The following LRRC55 variants were observed in gnomAD, a reference collection of about 807,000 sequenced individuals.
LRRC55 encodes leucine-rich repeat-containing protein 55.
A neutral mutation model predicts 20.5 loss-of-function variants in LRRC55; 11 were observed. That is an observed-to-expected ratio of 0.54 (90% CI 0.34 to 0.89). The LOEUF is 0.89. LRRC55 is among the 40% of genes least tolerant of loss of function. The probability of loss-of-function intolerance (pLI) is 0.02; values close to 1 mark genes in which losing one functional copy is unlikely to be tolerated. For missense variants in LRRC55, 358 were observed against 390.9 expected (o/e 0.92, Z 0.71); for synonymous variants, 188 against 166.6 (o/e 1.13, Z -0.99).
Position 57,191,062 on chromosome 11 carries a change from CT to C in LRRC55, c.*3587del, listed in dbSNP as rs1854503568. 1 of 152,166 alleles carries C rather than the reference CT, an allele frequency of 6.6e-6. No individual in the cohort carries two copies. The highest frequency in any genetic ancestry group is 2.4e-5 in the African/African-American group (1 of 41,434). 9.4% of individuals were successfully genotyped at this position (152,166 alleles called of 1,614,324 possible). A position where few individuals can be genotyped will look rare whatever the true frequency, so the allele number is the denominator to read the frequency against. Reference sequence around the variant, plus strand: ...GTCAAGATTTGGGCCAAGAAAATTCCTTTTTAGAAGAGCCCTCATATCTGAA... The same window carrying C: ...GTCAAGATTTGGGCCAAGAAAATTCCTTTTAGAAGAGCCCTCATATCTGAA... On this transcript the variant is annotated 3_prime_UTR_variant, in exon 2 of 2. Transcript: ENST00000497933.
chr11:57,182,721 G>T, intron 1 of LRRC55, 38 bp downstream of exon 1: 1 of 1,430,096 alleles, frequency 7.0e-7, no homozygotes, highest in Non-Finnish European at 9.2e-7. Flanking sequence ...AACAGGGAGG[G>T]CTTGCCTCAA....
chr11:57,186,030 T>C (rs1854427563), intron 1 of LRRC55, among the ~76,000 whole-genome samples: 1 of 151,810 alleles, frequency 6.6e-6, no homozygotes, highest in Non-Finnish European at 1.5e-5. Context: ...ATGTAGCATA[T>C]AATTCGTGTA....
chr11:57,182,257 G>A lies in LRRC55; in HGVS notation c.235G>A (p.Ala79Thr). The A allele has an allele frequency of 6.2e-7, 1 of 1,614,200 alleles. No individual in the cohort carries two copies. ...CAGCCTGGCCCACAACCGCATCACA[G>A]CAGTGCCGCCTGGCTACCTCACATG... is the stretch of plus-strand genomic sequence containing the variant. ...NLSLAHNRIT[A>T]VPPGYLTCYM... The change falls in exon 1 of 2, where the codon GCA becomes ACA. Residue 79 changes from alanine to threonine, a missense_variant. By Grantham distance (58) the Ala-to-Thr change is moderately conservative (BLOSUM62 0). This residue lies in a region of LRRC55 where 175 missense variants were observed against 164.5 expected (regional missense o/e 1.06). Coordinates refer to ENST00000497933, the MANE Select transcript of LRRC55 (RefSeq NM_001005210.4).
rs765216402 is a variant in LRRC55 at position 57,182,589 on chromosome 11, G to A, written c.567G>A (p.Val189=). ...CTCTTGAGGGCCTACCGGGGCTGGT[G>A]ACCCTGCAGATCGGTGGCAATCCCT... ...LEALEGLPGL[V]TLQIGGNPWV... is the part of the protein sequence containing the mutation. Residue 189 remains valine, a synonymous_variant, in exon 1 of 2, where the codon GTG becomes GTA. Transcript: ENST00000497933. 1 of 1,535,236 alleles carries A rather than the reference G, an allele frequency of 6.5e-7. No homozygotes were observed. Among genetic ancestry groups the A allele is most frequent in the Non-Finnish European group, 8.8e-7 (1 of 1,142,034 alleles).
intron 1 of LRRC55, among the ~76,000 whole-genome samples, chr11:57,186,616 G>A (rs1289883460): frequency 6.6e-6 from 1 of 152,182 alleles, no homozygotes; most frequent in African/African-American, 2.4e-5. Context: ...CCCTCCCAAA[G>A]GGACAAATGC....
At chr11:57,186,685 G>A (rs1324385006) in intron 1 of LRRC55, among the ~76,000 whole-genome samples, 1 of 152,216 alleles carries the variant, frequency 6.6e-6, no homozygotes, top group African/African-American at 2.4e-5. Flanking sequence ...AGGATGACCA[G>A]GAGGTGTGTG....
At position 57,182,435 on chromosome 11, in the gene LRRC55, G is replaced by A. The variant is rs368858600; in HGVS notation, c.413G>A (p.Gly138Glu). 2.5e-5 allele frequency: 41 copies of A among 1,612,380 alleles called. No homozygotes were observed. The Middle Eastern group carries it at 6.6e-4, about 26-fold the overall frequency. Residue 138 changes from glycine to glutamate, a missense_variant, in exon 1 of 2, where the codon GGG becomes GAG. Coordinates refer to ENST00000497933, the MANE Select transcript of LRRC55 (RefSeq NM_001005210.4). ...GCCGACATGTTCCAGGAGGCCCATG[G>A]GCTAGTCCACATCGACCTGAGCCAC... ...VPADMFQEAH[G>E]LVHIDLSHNP... is the part of the protein sequence containing the mutation.
Position 57,187,560 on chromosome 11 carries a change from G to T in LRRC55, c.*80G>T. On this transcript the variant is annotated 3_prime_UTR_variant, in exon 2 of 2. Transcript: ENST00000497933. ...GACGCCCTCCCTGACTGCTCACTCTGGTTCCATGGTGACCTGGCTGCCTCA... is the reference window on the plus strand; with the variant it reads ...GACGCCCTCCCTGACTGCTCACTCTTGTTCCATGGTGACCTGGCTGCCTCA... 3.8e-6 allele frequency: 5 copies of T among 1,325,222 alleles called. No homozygotes were observed. The highest frequency in any genetic ancestry group is 1.2e-5 in the South Asian group (1 of 80,250). 82.1% of individuals were successfully genotyped at this position (1,325,222 alleles called of 1,614,324 possible).
chr11:57,185,045 G>T (rs1387958879), intron 1 of LRRC55, among the ~76,000 whole-genome samples: 2 of 152,130 alleles, frequency 1.3e-5, no homozygotes, highest in Non-Finnish European at 2.9e-5. Context: ...ATTTGGGGAA[G>T]GTTGGGTTCT....
At position 57,186,916 on chromosome 11, in the gene LRRC55, G is replaced by A. The variant is rs535205860; in HGVS notation, c.662-329G>A. Among the ~76,000 whole-genome samples the A allele has an allele frequency of 4.6e-5, 7 of 152,336 alleles. No individual in the cohort carries two copies. The East Asian group carries it at 1.2e-3, about 25-fold the overall frequency. On this transcript the variant is annotated intron_variant, in intron 1 of 1. Transcript: ENST00000497933. ...GGTGAGGTCCCAGCCTGCAGGCTGAGGACAGACACCTTCTGAAGCCCAGAA... is the reference window on the plus strand; with the variant it reads ...GGTGAGGTCCCAGCCTGCAGGCTGAAGACAGACACCTTCTGAAGCCCAGAA...
At chr11:57,182,794 TC>T in intron 1 of LRRC55, 111 bp downstream of exon 1, 2 of 1,143,530 alleles carry the variant, frequency 1.7e-6, no homozygotes, top group Admixed American at 3.2e-5. Context: ...TACTGCATTT[TC>T]TAATGTGGGC....
rs371199626 is a variant in LRRC55 at position 57,182,579 on chromosome 11, C to T, written c.557C>T (p.Pro186Leu). 1.9e-6 allele frequency: 3 copies of T among 1,540,162 alleles called. No individual in the cohort carries two copies. The highest frequency in any genetic ancestry group is 4.0e-5 in the Admixed American group (2 of 50,188). ...FLSLEALEGL[P>L]GLVTLQIGGN... ...AGCCTGGAGGCTCTTGAGGGCCTAC[C>T]GGGGCTGGTGACCCTGCAGATCGGT... Residue 186 changes from proline to leucine, a missense_variant, in exon 1 of 2, where the codon CCG becomes CTG. Coordinates refer to ENST00000497933, the MANE Select transcript of LRRC55 (RefSeq NM_001005210.4).
rs1251480410 is a variant in LRRC55, at chr11:57,182,330, A to G, written c.308A>G (p.Glu103Gly). Residue 103 changes from glutamate (E) to glycine (G), a missense_variant, in exon 1 of 2, where the codon GAG becomes GGG. Coordinates refer to ENST00000497933, the MANE Select transcript of LRRC55 (RefSeq NM_001005210.4). ...VLDLHNNSLM[E>G]LPRGLFLHAK... ...GATTTGCACAACAACTCCTTAATGGAGCTGCCCCGGGGCCTCTTCCTCCAT... is the reference window on the plus strand; with the variant it reads ...GATTTGCACAACAACTCCTTAATGGGGCTGCCCCGGGGCCTCTTCCTCCAT... 3.7e-6 allele frequency: 6 copies of G among 1,613,896 alleles called. No individual in the cohort carries two copies. The highest frequency in any genetic ancestry group is 4.2e-6 in the Non-Finnish European group (5 of 1,179,922).
At chr11:57,186,764 G>A (rs1430087056) in intron 1 of LRRC55, among the ~76,000 whole-genome samples, 1 of 152,230 alleles carries the variant, frequency 6.6e-6, no homozygotes, top group Non-Finnish European at 1.5e-5. Flanking sequence ...CCCAAGGGGA[G>A]CACCTTGGTT....
Position 57,188,629 on chromosome 11 carries a change from A to T in LRRC55, c.*1149A>T, listed in dbSNP as rs1192284370. ...GAACGCTGTTGTTCCCATTTTACGG[A>T]TGAGGCAACTAAGGCTCAGAGAGGT... On this transcript the variant is annotated 3_prime_UTR_variant, in exon 2 of 2. Transcript: ENST00000497933. The T allele has an allele frequency of 1.3e-5, 2 of 152,190 alleles. No homozygotes were observed. Among genetic ancestry groups the T allele is most frequent in the Non-Finnish European group, 2.9e-5 (2 of 68,038 alleles). 9.4% of individuals were successfully genotyped at this position (152,190 alleles called of 1,614,324 possible). A position where few individuals can be genotyped will look rare whatever the true frequency, so the allele number is the denominator to read the frequency against.
chr11:57,182,306 A>G lies in LRRC55; in HGVS notation c.284A>G (p.Asp95Gly). Residue 95 changes from aspartate to glycine, a missense_variant, in exon 1 of 2, where the codon GAT (aspartate) becomes GGT (glycine). Coordinates refer to ENST00000497933, the MANE Select transcript of LRRC55 (RefSeq NM_001005210.4). ...LTCYMELQVLDLHNNSLMELP... is the reference protein window; with the variant it reads ...LTCYMELQVLGLHNNSLMELP... ...TGCTACATGGAGCTCCAGGTGCTGGATTTGCACAACAACTCCTTAATGGAG... is the reference window on the plus strand; with the variant it reads ...TGCTACATGGAGCTCCAGGTGCTGGGTTTGCACAACAACTCCTTAATGGAG... The G allele has an allele frequency of 1.2e-6, 2 of 1,614,010 alleles. No homozygotes were observed. Among genetic ancestry groups the G allele is most frequent in the Non-Finnish European group, 1.7e-6 (2 of 1,179,972 alleles).
chr11:57,187,163 T>C, intron 1 of LRRC55, 82 bp from the exon 2 acceptor site: 1 of 1,245,262 alleles, frequency 8.0e-7, no homozygotes, highest in Non-Finnish European at 1.2e-6. Flanking sequence ...TTCTTACTTT[T>C]TCCAGCAAGC....
chr11:57,182,369 C>CA lies in LRRC55; in HGVS notation c.348dup (p.His117ThrfsTer67). The CA allele has an allele frequency of 6.2e-7, 1 of 1,613,792 alleles. No individual in the cohort carries two copies. The highest frequency in any genetic ancestry group is 1.1e-5 in the South Asian group (1 of 91,046). On this transcript the variant is annotated frameshift_variant, in exon 1 of 2. Coordinates refer to ENST00000497933, the MANE Select transcript of LRRC55 (RefSeq NM_001005210.4). LOFTEE classifies it high-confidence loss of function. ...CTCTTCCTCCATGCCAAGCGCTTGGCACACTTGGACCTGAGCTACAACAAT... is the reference window on the plus strand; with the variant it reads ...CTCTTCCTCCATGCCAAGCGCTTGGCAACACTTGGACCTGAGCTACAACAAT...
intron 1 of LRRC55, among the ~76,000 whole-genome samples, chr11:57,184,339 C>G (rs903528115): frequency 1.1e-4 from 17 of 152,218 alleles, no homozygotes; most frequent in African/African-American, 3.9e-4. Flanking sequence ...GTCCCTGCTG[C>G]TCTGAAGAAG....
Sources: gnomAD v4.1 joint callset for allele counts (sites outside exome capture counted in the v4.1 genomes callset) on GRCh38, gnomAD v4.1.1 for gene constraint, gnomAD v4.1.1 regional missense constraint, MANE v1.5 for transcripts, NCBI Gene and HGNC (gene_info 2026-07-23, HGNC 2026-07-21) for gene names.